The following AOPEP variants were observed in gnomAD, a reference collection of about 807,000 sequenced individuals.
AOPEP encodes aminopeptidase O.
In AOPEP, 77 loss-of-function variants were observed where a neutral mutation model predicts 98.1. The ratio of observed to expected loss-of-function variants is 0.78; its 90% confidence interval spans 0.65 to 0.95. The LOEUF (loss-of-function observed/expected upper bound fraction) is 0.95, where lower values mean the gene tolerates loss of function less well. Ranked by LOEUF, AOPEP falls within the 40% of genes least tolerant of loss-of-function variation. The pLI is 0.00. For missense variants in AOPEP, 1,024 were observed against 1,024.7 expected, an observed-to-expected ratio of 1.00 and a Z score of 0.01; for synonymous variants, 346 against 365.3, an observed-to-expected ratio of 0.95 and a Z score of 0.60.
At chr9:94,922,588 G>A (rs887034428) in intron 5 of AOPEP, among the ~76,000 whole-genome samples, 2 of 152,078 alleles carry the variant, frequency 1.3e-5, no homozygotes, top group Non-Finnish European at 2.9e-5. Flanking sequence ...TTCTCAGTTA[G>A]GGGAGTTTAG....
intron 9 of AOPEP, among the ~76,000 whole-genome samples, chr9:94,963,596 C>T (rs2058995300): frequency 7.3e-6 from 1 of 136,814 alleles, no homozygotes; most frequent in Non-Finnish European, 1.5e-5. Flanking sequence ...ATTGTTTTAT[C>T]AATAGATTTT....
At chr9:94,884,042 G>C (rs990885805) in intron 5 of AOPEP, among the ~76,000 whole-genome samples, 7 of 152,260 alleles carry the variant, frequency 4.6e-5, no homozygotes, top group Admixed American at 2.0e-4. Flanking sequence ...TTTCACGAGG[G>C]GCATCCCTGC....
chr9:95,096,649 G>A, the AOPEP span, among the ~76,000 whole-genome samples: 1 of 152,144 alleles, frequency 6.6e-6, no homozygotes, highest in Non-Finnish European at 1.5e-5. Context: ...CCAGGAGGGG[G>A]TCAGGAGAAG....
chr9:95,145,936 A>C, the AOPEP span, among the ~76,000 whole-genome samples: 1 of 152,172 alleles, frequency 6.6e-6, no homozygotes, highest in East Asian at 1.9e-4. Flanking sequence ...CATAAACCAA[A>C]GGCAATGTGT....
intron 13 of AOPEP, among the ~76,000 whole-genome samples, chr9:95,032,722 T>C (rs2061799): frequency 0.89 from 136,228 of 152,216 alleles, 61,773 homozygotes; most frequent in Non-Finnish European, 0.97. Flanking sequence ...GAATAAATAA[T>C]TGGCACCCAA....
rs2060136285 is a variant in AOPEP, at chr9:94,980,800, G to C, written c.1977+1373G>C. Among the ~76,000 whole-genome samples, 1 of 152,224 alleles carries C rather than the reference G, an allele frequency of 6.6e-6. No homozygotes were observed. The stretch of plus-strand genomic sequence containing the variant: ...GAGGGCCCGTGAGCTCTGAGACGGT[G>C]ACTTCCAAACCAGACTACTCACTGA... On this transcript the variant is annotated intron_variant, in intron 11 of 16. Coordinates refer to ENST00000375315, the MANE Select transcript of AOPEP (RefSeq NM_001193329.3). This position sits in a 1 kb window ranked among gnomAD's most constrained non-coding sequence, Gnocchi z 4.3.
chr9:94,893,150 G>A lies in AOPEP; in HGVS notation c.1365-30836G>A, dbSNP rs114021635. Among the ~76,000 whole-genome samples the A allele has an allele frequency of 4.2e-3, 634 of 152,316 alleles. 5 individuals carry two copies. The highest frequency in any genetic ancestry group is 0.015 in the African/African-American group (607 of 41,560). ...ACTAAGGTCACAAGACTGTGACGTG[G>A]TAGAATGGCAACTGAACTCTAGAGT... On this transcript the variant is annotated intron_variant, in intron 5 of 16. Transcript: ENST00000375315.
chr9:95,120,850 A>G, the AOPEP span, among the ~76,000 whole-genome samples: 5 of 152,086 alleles, frequency 3.3e-5, no homozygotes, highest in African/African-American at 1.2e-4. Context: ...ATCTTTTGAC[A>G]TTGGTTTTCT....
intron 13 of AOPEP, among the ~76,000 whole-genome samples, chr9:95,025,011 A>C (rs2063731816): frequency 6.6e-6 from 1 of 152,238 alleles, no homozygotes; most frequent in Non-Finnish European, 1.5e-5. Context: ...GTTTTAGGGT[A>C]CATGTGATTT....
Position 94,800,823 on chromosome 9 carries a change from G to A in AOPEP, c.1185G>A (p.Gln395=). The A allele has an allele frequency of 6.2e-7, 1 of 1,614,176 alleles. No homozygotes were observed. Residue 395 remains glutamine, a synonymous_variant, in exon 5 of 17, where the codon CAG becomes CAA. Coordinates refer to ENST00000375315, the MANE Select transcript of AOPEP (RefSeq NM_001193329.3). ...TCCAGAATGCTTCTGCCACCACCCA[G>A]GAGATCATTCCTCATCGGGTCTTTG... The part of the protein sequence containing the change: ...CRFQNASATT[Q]EIIPHRVFAP...
intron 2 of AOPEP, among the ~76,000 whole-genome samples, chr9:94,765,528 G>C (rs1019197011): frequency 6.7e-6 from 1 of 150,162 alleles, no homozygotes; most frequent in Admixed American, 6.6e-5. Flanking sequence ...TTGAGCCCAG[G>C]GAGGTCGAGG....
At chr9:94,825,499 G>T (rs1854308589) in intron 5 of AOPEP, among the ~76,000 whole-genome samples, 1 of 152,240 alleles carries the variant, frequency 6.6e-6, no homozygotes, top group South Asian at 2.1e-4. Flanking sequence ...TGTGAGCCTT[G>T]GTGAAGACGC....
At chr9:95,138,285 A>C in the AOPEP span, among the ~76,000 whole-genome samples, 1 of 152,240 alleles carries the variant, frequency 6.6e-6, no homozygotes, top group African/African-American at 2.4e-5. Context: ...TGGGCTCAGC[A>C]GAACAGTGGG....
chr9:94,909,951 G>A (rs912752823), intron 5 of AOPEP, among the ~76,000 whole-genome samples: 8 of 152,098 alleles, frequency 5.3e-5, no homozygotes, highest in Admixed American at 5.2e-4. Context: ...CTTCTGGATC[G>A]AGTGTCTGGG....
chr9:94,855,935 G>C (rs1442622369), intron 5 of AOPEP, among the ~76,000 whole-genome samples: 1 of 152,170 alleles, frequency 6.6e-6, no homozygotes, highest in Non-Finnish European at 1.5e-5. Context: ...CCTATTATCA[G>C]ATGTCACCAT....
chr9:94,860,400 T>A (rs1181266204), intron 5 of AOPEP, among the ~76,000 whole-genome samples: 1 of 134,870 alleles, frequency 7.4e-6, no homozygotes, highest in Admixed American at 7.4e-5. Flanking sequence ...GTGGCAAGGG[T>A]GGGGACGGGG....
At chr9:94,781,547 G>GT (rs10712686) in intron 3 of AOPEP, among the ~76,000 whole-genome samples, 4 of 142,862 alleles carry the variant, frequency 2.8e-5, no homozygotes, top group African/African-American at 5.1e-5. Flanking sequence ...TTTTTGTTTA[G>GT]TTTTTTTTTT....
chr9:94,938,975 C>T (rs879514509), intron 7 of AOPEP, among the ~76,000 whole-genome samples: 4 of 152,080 alleles, frequency 2.6e-5, no homozygotes, highest in Admixed American at 6.5e-5. Context: ...CTAGGCCGGG[C>T]GCGGTGGCTC....
At chr9:95,068,603 A>G in intron 14 of AOPEP, among the ~76,000 whole-genome samples, 1 of 152,186 alleles carries the variant, frequency 6.6e-6, no homozygotes. Flanking sequence ...ATACTCTTAT[A>G]TGATGGTATC....
Sources: gnomAD v4.1 joint callset for allele counts (sites outside exome capture counted in the v4.1 genomes callset) on GRCh38, gnomAD v4.1.1 for gene constraint, Gnocchi (gnomAD v3.1) non-coding constraint, MANE v1.5 for transcripts, NCBI Gene and HGNC (gene_info 2026-07-23, HGNC 2026-07-21) for gene names.